ZFP82: variants seen among roughly 807,000 people sequenced by gnomAD.
The protein encoded by ZFP82 is zinc finger protein 82 homolog.
Under a neutral mutation model 54.0 loss-of-function variants are expected in ZFP82, and 30 were observed. That is an observed-to-expected ratio of 0.56 (90% CI 0.42 to 0.75). ZFP82 has a LOEUF of 0.75. Ranked by LOEUF, ZFP82 falls within the 30% of genes least tolerant of loss-of-function variation. The probability of loss-of-function intolerance (pLI) is 0.00; values close to 1 mark genes in which losing one functional copy is unlikely to be tolerated. For missense variants in ZFP82, 500 were observed against 636.8 expected, an observed-to-expected ratio of 0.79 and a Z score of 2.31; for synonymous variants, 194 against 209.5, an observed-to-expected ratio of 0.93 and a Z score of 0.64.
At chr19:36,415,372 TGGCAGC>T (rs2032652596) in intron 1 of ZFP82, among the ~76,000 whole-genome samples, 10 of 151,940 alleles carry the variant, frequency 6.6e-5, no homozygotes, top group Non-Finnish European at 1.2e-4. Context: ...TAAATATAGT[TGGCAGC>T]TTAAACCAGG....
At chr19:36,400,170 C>T in intron 4 of ZFP82, among the ~76,000 whole-genome samples, 1 of 152,186 alleles carries the variant, frequency 6.6e-6, no homozygotes, top group East Asian at 1.9e-4. Flanking sequence ...GTAGAAAAGT[C>T]CTTTTTTTGA....
chr19:36,400,823 T>C (rs151235912), intron 4 of ZFP82, among the ~76,000 whole-genome samples: 2 of 152,308 alleles, frequency 1.3e-5, no homozygotes, highest in Non-Finnish European at 2.9e-5. Flanking sequence ...CTTCCCTTCA[T>C]ACATAATTCC....
chr19:36,413,903 T>G, intron 1 of ZFP82, among the ~76,000 whole-genome samples: 1 of 138,436 alleles, frequency 7.2e-6, no homozygotes, highest in African/African-American at 3.3e-5. Context: ...TTCAATAATT[T>G]TTTTTTTTTT....
At chr19:36,415,393 TC>T in intron 1 of ZFP82, among the ~76,000 whole-genome samples, 1 of 151,116 alleles carries the variant, frequency 6.6e-6, no homozygotes, top group Non-Finnish European at 1.5e-5. Flanking sequence ...ACCAGGACTT[TC>T]TTTTTTTTTT....
chr19:36,385,018 G>A (rs1263679688), downstream of ZFP82, among the ~76,000 whole-genome samples: 2 of 152,154 alleles, frequency 1.3e-5, no homozygotes, highest in Non-Finnish European at 2.9e-5. Context: ...AGGTGCTGTG[G>A]TTTGAATGTG....
At position 36,406,559 on chromosome 19, in the gene ZFP82, T is replaced by TA. The variant is rs148460152; in HGVS notation, c.137-888dup. 5.0e-3 allele frequency among the ~76,000 whole-genome samples: 757 copies of TA among 152,372 alleles called. 11 individuals carry two copies. The highest frequency in any genetic ancestry group is 0.018 in the African/African-American group (728 of 41,588). On this transcript the variant is annotated intron_variant, in intron 3 of 4. Transcript: ENST00000392161. ...TAGTGTTTTTTATATTCTTGCATGCTATAACATGTATCAGTAGTTTGTTCC... is the reference window on the plus strand; with the variant it reads ...TAGTGTTTTTTATATTCTTGCATGCTAATAACATGTATCAGTAGTTTGTTCC...
chr19:36,397,458 G>T (rs1027122592), intron 4 of ZFP82, among the ~76,000 whole-genome samples: 1 of 151,982 alleles, frequency 6.6e-6, no homozygotes, highest in African/African-American at 2.4e-5. Flanking sequence ...CAGCAAGAAA[G>T]CACAGACATA....
intron 1 of ZFP82, among the ~76,000 whole-genome samples, chr19:36,417,501 C>T (rs1036992359): frequency 6.6e-6 from 1 of 152,172 alleles, no homozygotes; most frequent in African/African-American, 2.4e-5. Context: ...CCACTCGCCT[C>T]GACCTTGACT....
At chr19:36,406,413 C>T (rs1424124891) in intron 3 of ZFP82, among the ~76,000 whole-genome samples, 1 of 152,202 alleles carries the variant, frequency 6.6e-6, no homozygotes, top group Non-Finnish European at 1.5e-5. Flanking sequence ...CATTCCTACT[C>T]CCAGCCCCAG....
intron 4 of ZFP82, 96 bp from the exon 5 acceptor site, chr19:36,394,206 T>A: frequency 1.8e-6 from 2 of 1,113,764 alleles, no homozygotes; most frequent in Non-Finnish European, 2.6e-6. Flanking sequence ...AAGTAATCCT[T>A]AACCAAAACT....
At position 36,393,796 on chromosome 19, in the gene ZFP82, G is replaced by A. The variant is rs778648836; in HGVS notation, c.544C>T (p.Arg182Cys). ...CTGTGATGAAAAGTAAGCTGTTGGCGCACTCTGAACGCCTTCCCACATTCC... is the reference window on the plus strand; with the variant it reads ...CTGTGATGAAAAGTAAGCTGTTGGCACACTCTGAACGCCTTCCCACATTCC... ...CKECGKAFRV[R>C]QQLTFHHRIH... Residue 182 changes from arginine (R) to cysteine (C), a missense_variant, in exon 5 of 5, where the codon CGC becomes TGC. Arg to Cys is a radical substitution (Grantham distance 180). Coordinates refer to ENST00000392161, the MANE Select transcript of ZFP82 (RefSeq NM_133466.4). 1.1e-5 allele frequency: 17 copies of A among 1,613,606 alleles called. No homozygotes were observed. Among genetic ancestry groups the A allele is most frequent in the African/African-American group, 2.7e-5 (2 of 74,844 alleles).
intron 4 of ZFP82, among the ~76,000 whole-genome samples, chr19:36,399,872 T>C (rs982377808): frequency 6.6e-6 from 1 of 152,162 alleles, no homozygotes; most frequent in Non-Finnish European, 1.5e-5. Context: ...GCAAGTTTGG[T>C]TCCTATTCTA....
At chr19:36,387,213 G>A (rs1230935194), downstream of ZFP82, among the ~76,000 whole-genome samples, 1 of 152,186 alleles carries the variant, frequency 6.6e-6, no homozygotes, top group Non-Finnish European at 1.5e-5. Flanking sequence ...GGGGCAATCA[G>A]AATGGAGTGT....
chr19:36,409,563 A>G (rs1246873455), intron 2 of ZFP82, among the ~76,000 whole-genome samples: 1 of 152,214 alleles, frequency 6.6e-6, no homozygotes, highest in Non-Finnish European at 1.5e-5. Flanking sequence ...GACTGAGCAC[A>G]TATAGGAGAT....
At chr19:36,385,337 T>A (rs2032103630), downstream of ZFP82, among the ~76,000 whole-genome samples, 1 of 152,196 alleles carries the variant, frequency 6.6e-6, no homozygotes, top group African/African-American at 2.4e-5. Context: ...TCCAGAACCA[T>A]GAGTCAATAA....
intron 1 of ZFP82, among the ~76,000 whole-genome samples, chr19:36,413,524 G>A (rs1421704817): frequency 2.6e-5 from 4 of 152,082 alleles, no homozygotes; most frequent in African/African-American, 9.7e-5. Flanking sequence ...ATTAATGATG[G>A]CATTGGCCCA....
intron 4 of ZFP82, among the ~76,000 whole-genome samples, chr19:36,401,156 C>G (rs375202751): frequency 5.9e-5 from 9 of 151,528 alleles, no homozygotes; most frequent in African/African-American, 2.2e-4. Context: ...GGTGGAGTGA[C>G]CCATGAGTCA....
Position 36,392,978 on chromosome 19 carries a change from T to G in ZFP82, c.1362A>C (p.Glu454Asp). ...GGCGCAATCTAAAGGCCTTGCCACA[T>G]TCCTTACATTTATAAGGTTTCTCAC... ...HIGEKPYKCKECGKAFRLRQK... is the reference protein window; with the variant it reads ...HIGEKPYKCKDCGKAFRLRQK... Residue 454 changes from glutamate to aspartate, a missense_variant, in exon 5 of 5, where the codon GAA becomes GAC. Physicochemically the swap from Glu to Asp is conservative, Grantham distance 45. Transcript: ENST00000392161. 6.2e-7 allele frequency: 1 copy of G among 1,614,182 alleles called. No individual in the cohort carries two copies.
At position 36,394,106 on chromosome 19, in the gene ZFP82, C is replaced by T; in HGVS notation, c.234G>A (p.Leu78=). The change falls in exon 5 of 5, where the codon TTG becomes TTA. Residue 78 remains leucine, a synonymous_variant. Transcript: ENST00000392161. ...VRKGRRQYPD[L]ETKYETKKLS... ...ACTTCTTGGTCTCATACTTGGTCTC[C>T]AAATCTAAAATAAAACAAGAAAGCA... 6.3e-7 allele frequency: 1 copy of T among 1,599,260 alleles called. No individual in the cohort carries two copies.
Sources: allele counts gnomAD v4.1 joint callset (sites outside exome capture counted in the v4.1 genomes callset), GRCh38; gene constraint gnomAD v4.1.1; transcripts MANE v1.5; gene names NCBI Gene and HGNC (gene_info 2026-07-23, HGNC 2026-07-21).